Variants in DNAJB12 observed in about 807,000 individuals in gnomAD.
The protein encoded by DNAJB12 is DnaJ heat shock protein family (Hsp40) member B12.
In DNAJB12, 14 loss-of-function variants were observed where a neutral mutation model predicts 40.6. The observed-to-expected ratio is 0.34, with a 90% confidence interval of 0.23 to 0.54. DNAJB12 has a LOEUF of 0.54. Ranked by LOEUF, DNAJB12 falls within the 20% of genes least tolerant of loss-of-function variation. The probability of loss-of-function intolerance (pLI) is 0.92; values close to 1 mark genes in which losing one functional copy is unlikely to be tolerated. For missense variants in DNAJB12, 444 were observed against 501.7 expected (o/e 0.89, Z 1.10); for synonymous variants, 181 against 199.5 (o/e 0.91, Z 0.78).
chr10:72,340,574 G>A (rs570291391), intron 5 of DNAJB12, among the ~76,000 whole-genome samples: 5 of 152,276 alleles, frequency 3.3e-5, no homozygotes, highest in South Asian at 4.1e-4. Flanking sequence ...CCGCGCTCCC[G>A]CCGGCAATGT....
Position 72,341,137 on chromosome 10 carries a change from G to A in DNAJB12, c.491C>T (p.Pro164Leu), listed in dbSNP as rs139558574. 8.1e-6 allele frequency: 13 copies of A among 1,613,720 alleles called. No homozygotes were observed. The African/African-American group carries it at 9.3e-5, about 12-fold the overall frequency. The stretch of plus-strand genomic sequence containing the variant: ...CTGGTCATACTGCTTCCTCTTCTCC[G>A]GGTTGCTGAGTACCGCATATGCTGT... ...IGTAYAVLSN[P>L]EKRKQYDQFG... The change falls in exon 4 of 9, where the codon CCG (proline) becomes CTG (leucine). Residue 164 changes from proline to leucine, a missense_variant. Physicochemically the swap from Pro to Leu is moderately conservative, Grantham distance 98 (BLOSUM62 -3). Coordinates refer to ENST00000444643, the MANE Select transcript of DNAJB12 (RefSeq NM_017626.7).
Position 72,343,528 on chromosome 10 carries a change from C to A in DNAJB12, c.312-17G>T, listed in dbSNP as rs1355661312. ...TGCTTGACCCTGGGGAAGGAGGAGA[C>A]CATGGTACGGGGTGCTCTACATGGG... On this transcript the variant is annotated splice_polypyrimidine_tract_variant and intron_variant, in intron 2 of 8. Coordinates refer to ENST00000444643, the MANE Select transcript of DNAJB12 (RefSeq NM_017626.7). 1 of 1,613,744 alleles carries A rather than the reference C, an allele frequency of 6.2e-7. No homozygotes were observed.
chr10:72,334,789 C>A, intron 8 of DNAJB12, 172 bp from the exon 9 acceptor site: 1 of 1,388,418 alleles, frequency 7.2e-7, no homozygotes, highest in Non-Finnish European at 9.3e-7. Context: ...GAGGCAGGCA[C>A]AAATGGCCTC....
In DNAJB12 at chr10:72,334,348, TCTA is replaced by T. The variant is rs1293157644; in HGVS notation, c.*297_*299del. On this transcript the variant is annotated 3_prime_UTR_variant, in exon 9 of 9. Transcript: ENST00000444643. ...CTGATATCTGCTGCGAGTTTTACAT[TCTA>T]CTTTCGTTGCCATGGTTTCTGTATC... The T allele has an allele frequency of 7.5e-6, 4 of 535,170 alleles. No homozygotes were observed. The highest frequency in any genetic ancestry group is 1.3e-5 in the Non-Finnish European group (4 of 309,084). The allele number at this position is 535,170 out of a possible 1,614,324, so 33.2% of individuals were successfully genotyped here. A position where few individuals can be genotyped will look rare whatever the true frequency, so the allele number is the denominator to read the frequency against.
intron 3 of DNAJB12, 96 bp from the exon 4 acceptor site, chr10:72,341,266 C>T (rs1861632852): frequency 9.5e-6 from 12 of 1,262,208 alleles, no homozygotes; most frequent in Non-Finnish European, 1.3e-5. Context: ...GGTACTCAAG[C>T]AGTGCTTTAG....
intron 1 of DNAJB12, among the ~76,000 whole-genome samples, chr10:72,349,103 G>C (rs1430860307): frequency 6.6e-6 from 1 of 152,178 alleles, no homozygotes; most frequent in African/African-American, 2.4e-5. Flanking sequence ...ATCAAATTCA[G>C]AAAGGCCCAG....
At chr10:72,354,543 C>A (rs1361795929) in intron 1 of DNAJB12, among the ~76,000 whole-genome samples, 1 of 152,218 alleles carries the variant, frequency 6.6e-6, no homozygotes, top group Non-Finnish European at 1.5e-5. Context: ...GCCAGCACCC[C>A]GAAAGCTGAA....
At position 72,335,106 on chromosome 10, in the gene DNAJB12, C is replaced by T; in HGVS notation, c.*31-489G>A. 1 of 990,650 alleles carries T rather than the reference C, an allele frequency of 1.0e-6. No individual in the cohort carries two copies. The highest frequency in any genetic ancestry group is 1.7e-5 in the African/African-American group (1 of 57,498). 61.4% of individuals were successfully genotyped at this position (990,650 alleles called of 1,614,324 possible). A position where few individuals can be genotyped will look rare whatever the true frequency, so the allele number is the denominator to read the frequency against. ...TCAGACCGCAGGCGAGATGCCTGGGCAAGGCCGGATGCCTGTGGCTTCCAG... is the reference window on the plus strand; with the variant it reads ...TCAGACCGCAGGCGAGATGCCTGGGTAAGGCCGGATGCCTGTGGCTTCCAG... On this transcript the variant is annotated intron_variant, in intron 8 of 8. Transcript: ENST00000444643. The surrounding 1 kb of genome is among the most constrained non-coding windows in gnomAD (Gnocchi z 4.4).
intron 3 of DNAJB12, among the ~76,000 whole-genome samples, chr10:72,342,424 G>A (rs200150427): frequency 1.3e-5 from 2 of 152,336 alleles, no homozygotes; most frequent in South Asian, 4.1e-4. Flanking sequence ...GCCAGAGCTG[G>A]CCTCTCGGTA....
chr10:72,350,398 C>CAAAAAAA, intron 1 of DNAJB12, among the ~76,000 whole-genome samples: 1 of 27,802 alleles, frequency 3.6e-5, no homozygotes, highest in Non-Finnish European at 8.2e-5. Flanking sequence ...GACCCTGTCT[C>CAAAAAAA]AAAAAAAAAA....
At chr10:72,348,041 T>C (rs945396645) in intron 1 of DNAJB12, among the ~76,000 whole-genome samples, 6 of 151,748 alleles carry the variant, frequency 4.0e-5, no homozygotes, top group Non-Finnish European at 7.4e-5. Context: ...CTGGCCAGCA[T>C]GGTGAAACCC....
Position 72,336,440 on chromosome 10 carries a change from A to G in DNAJB12, c.1006+84T>C, listed in dbSNP as rs1750099296. The G allele has an allele frequency of 2.1e-6, 3 of 1,452,756 alleles. No individual in the cohort carries two copies. The Admixed American group carries it at 5.2e-5, about 25-fold the overall frequency. The allele number at this position is 1,452,756 out of a possible 1,614,324, so 90.0% of individuals were successfully genotyped here. A position where few individuals can be genotyped will look rare whatever the true frequency, so the allele number is the denominator to read the frequency against. ...GGCTGGGCCCTCAGAGCACAGGGTG[A>G]GCAGGGCTCTCTCCTTCCCCTGCTT... On this transcript the variant is annotated intron_variant, in intron 7 of 8. Transcript: ENST00000444643.
intron 5 of DNAJB12, among the ~76,000 whole-genome samples, 186 bp from the exon 6 acceptor site, chr10:72,338,497 A>AG (rs1861540020): frequency 6.6e-6 from 1 of 152,098 alleles, no homozygotes; most frequent in Non-Finnish European, 1.5e-5. Flanking sequence ...AAAACAAAGC[A>AG]GCAACTGGTG....
chr10:72,338,888 A>G (rs1426605514), intron 5 of DNAJB12, among the ~76,000 whole-genome samples: 3 of 152,208 alleles, frequency 2.0e-5, no homozygotes, highest in Non-Finnish European at 1.5e-5. Context: ...AAAAAGAAGA[A>G]TTAGAAATAA....
chr10:72,348,261 G>A (rs1316223463), intron 1 of DNAJB12, among the ~76,000 whole-genome samples: 2 of 152,158 alleles, frequency 1.3e-5, no homozygotes, highest in Non-Finnish European at 2.9e-5. Flanking sequence ...TGTGGTTCCT[G>A]CAGATTAAAT....
intron 1 of DNAJB12, among the ~76,000 whole-genome samples, chr10:72,347,886 C>A (rs1564823264): frequency 6.6e-6 from 1 of 151,402 alleles, no homozygotes; most frequent in Non-Finnish European, 1.5e-5. Context: ...GCACTCCAGC[C>A]TGGGCAATAG....
At chr10:72,339,365 C>T (rs1861566425) in intron 5 of DNAJB12, among the ~76,000 whole-genome samples, 4 of 151,630 alleles carry the variant, frequency 2.6e-5, no homozygotes, top group Admixed American at 2.6e-4. Context: ...GAAACCCCGT[C>T]TCTACTAAAA....
chr10:72,340,424 T>A (rs1589126030), intron 5 of DNAJB12, among the ~76,000 whole-genome samples: 1 of 152,150 alleles, frequency 6.6e-6, no homozygotes, highest in African/African-American at 2.4e-5. Flanking sequence ...TAAAATAAAA[T>A]TCTCTCACAA....
At position 72,340,777 on chromosome 10, in the gene DNAJB12, C is replaced by G; in HGVS notation, c.723+12G>C. 6.2e-7 allele frequency: 1 copy of G among 1,613,438 alleles called. No homozygotes were observed. On this transcript the variant is annotated intron_variant, in intron 5 of 8. Coordinates refer to ENST00000444643, the MANE Select transcript of DNAJB12 (RefSeq NM_017626.7). ...CCCTTCCCGCGCTGTCCCTGGCGCC[C>G]TCCTCACTCACATCACCCTGGTTGT... is the stretch of plus-strand genomic sequence containing the variant.
Sources: allele counts gnomAD v4.1 joint callset (sites outside exome capture counted in the v4.1 genomes callset), GRCh38; gene constraint gnomAD v4.1.1; non-coding constraint Gnocchi (gnomAD v3.1); transcripts MANE v1.5; gene names NCBI Gene and HGNC (gene_info 2026-07-23, HGNC 2026-07-21).